GALNTL6: variants seen among roughly 807,000 people sequenced by gnomAD.
GALNTL6 encodes polypeptide N-acetylgalactosaminyltransferase-like 6.
In GALNTL6, 46 loss-of-function variants were observed where a neutral mutation model predicts 73.7. The observed-to-expected ratio is 0.62, with a 90% CI of 0.49 to 0.80. The LOEUF is 0.80. Ranked by LOEUF, GALNTL6 falls within the 30% of genes least tolerant of loss-of-function variation. GALNTL6 has a pLI of 0.00. For missense variants in GALNTL6, 604 were observed against 755.0 expected (o/e 0.80, Z 2.34); for synonymous variants, 259 against 263.7 (o/e 0.98, Z 0.17).
At position 171,855,381 on chromosome 4, in the gene GALNTL6, C is replaced by G. The variant is rs186127408; in HGVS notation, c.138+40663C>G. Among the ~76,000 whole-genome samples the G allele has an allele frequency of 3.5e-3, 539 of 152,256 alleles. 3 individuals carry two copies. The highest frequency in any genetic ancestry group is 3.1e-3 in the South Asian group (15 of 4,828). On this transcript the variant is annotated intron_variant, in intron 2 of 12. Coordinates refer to ENST00000506823, the MANE Select transcript of GALNTL6 (RefSeq NM_001034845.3). ...TAGTTGAAATTATTAGAGAATGCAG[C>G]CTTTTCAGATTGGTTTCTTTCACGT... is the stretch of plus-strand genomic sequence containing the variant.
At chr4:172,366,305 G>C (rs1742556179) in intron 5 of GALNTL6, among the ~76,000 whole-genome samples, 1 of 152,088 alleles carries the variant, frequency 6.6e-6, no homozygotes, top group South Asian at 2.1e-4. Context: ...AATGTGTATA[G>C]ATCTGTATAA....
chr4:171,838,247 C>T (rs1191847612), intron 2 of GALNTL6, among the ~76,000 whole-genome samples: 1 of 151,940 alleles, frequency 6.6e-6, no homozygotes, highest in Non-Finnish European at 1.5e-5. Flanking sequence ...ACTCAGCCTC[C>T]CAAGAAGCTG....
intron 3 of GALNTL6, among the ~76,000 whole-genome samples, chr4:172,298,908 T>C (rs985174389): frequency 1.3e-5 from 2 of 152,218 alleles, no homozygotes; most frequent in Non-Finnish European, 2.9e-5. Context: ...GATTCCCTCT[T>C]TTTCTATTGA....
intron 9 of GALNTL6, among the ~76,000 whole-genome samples, chr4:172,934,823 C>G (rs1310296926): frequency 2.6e-5 from 4 of 152,216 alleles, no homozygotes. Context: ...TCGCTTTGCA[C>G]AGCCCAAGGA....
chr4:172,804,407 T>G (rs1484034524), intron 5 of GALNTL6, among the ~76,000 whole-genome samples: 1 of 152,176 alleles, frequency 6.6e-6, no homozygotes, highest in Non-Finnish European at 1.5e-5. Flanking sequence ...TGTATAAACA[T>G]CAAAGAAATT....
At chr4:172,579,452 C>A (rs577145449) in intron 5 of GALNTL6, among the ~76,000 whole-genome samples, 48 of 152,242 alleles carry the variant, frequency 3.2e-4, no homozygotes, top group Admixed American at 2.4e-3. Flanking sequence ...CATAGTAAGA[C>A]TCATTCTGGA....
At chr4:171,824,861 C>A (rs1734782313) in intron 2 of GALNTL6, among the ~76,000 whole-genome samples, 1 of 152,080 alleles carries the variant, frequency 6.6e-6, no homozygotes, top group Admixed American at 6.6e-5. Flanking sequence ...GTAGCCCATA[C>A]AGAAAATAAT....
At chr4:171,943,256 G>A (rs1041671327) in intron 2 of GALNTL6, among the ~76,000 whole-genome samples, 3 of 152,048 alleles carry the variant, frequency 2.0e-5, no homozygotes, top group African/African-American at 7.2e-5. Flanking sequence ...GATGCCCCTC[G>A]GGCACCAGAC....
At chr4:172,837,572 A>G (rs770019087) in intron 7 of GALNTL6, among the ~76,000 whole-genome samples, 4 of 152,234 alleles carry the variant, frequency 2.6e-5, no homozygotes, top group Non-Finnish European at 4.4e-5. Context: ...GTTAGGTGGT[A>G]AATCAACAAA....
chr4:171,982,615 C>T (rs1291265675), intron 2 of GALNTL6, among the ~76,000 whole-genome samples: 1 of 152,118 alleles, frequency 6.6e-6, no homozygotes, highest in East Asian at 1.9e-4. Context: ...CTTTCGTTTG[C>T]TTCTTCCAGA....
At chr4:172,781,745 G>A (rs1030636454) in intron 5 of GALNTL6, among the ~76,000 whole-genome samples, 1 of 152,036 alleles carries the variant, frequency 6.6e-6, no homozygotes, top group East Asian at 1.9e-4. Context: ...GAAAAACCTA[G>A]CAACAGTGAT....
intron 2 of GALNTL6, among the ~76,000 whole-genome samples, chr4:171,980,613 A>G (rs989862310): frequency 6.6e-6 from 1 of 152,244 alleles, no homozygotes; most frequent in African/African-American, 2.4e-5. Context: ...ACAATGAAGA[A>G]GGCGACATCA....
Position 172,636,178 on chromosome 4 carries a change from C to T in GALNTL6, c.554-173183C>T, listed in dbSNP as rs527826907. 6.6e-5 allele frequency among the ~76,000 whole-genome samples: 10 copies of T among 152,174 alleles called. No homozygotes were observed. The South Asian group carries it at 2.1e-3, about 32-fold the overall frequency. ...GTCAGATTCACTATTATAGAAATTA[C>T]CCTATTGTTGGAAGTTACTAAGATA... On this transcript the variant is annotated intron_variant, in intron 5 of 12. Transcript: ENST00000506823.
intron 7 of GALNTL6, 110 bp from the exon 8 acceptor site, chr4:172,882,680 C>A: frequency 1.3e-6 from 1 of 754,146 alleles, no homozygotes. Context: ...CTGAAAAGTT[C>A]CACACAGCTG....
intron 5 of GALNTL6, among the ~76,000 whole-genome samples, chr4:172,718,838 A>G (rs1216460615): frequency 6.6e-6 from 1 of 152,128 alleles, no homozygotes; most frequent in Non-Finnish European, 1.5e-5. Context: ...ATAGACCATC[A>G]TCTTCCTATT....
chr4:172,680,387 G>A (rs1470283169), intron 5 of GALNTL6, among the ~76,000 whole-genome samples: 2 of 151,714 alleles, frequency 1.3e-5, no homozygotes, highest in East Asian at 3.9e-4. Flanking sequence ...ATGGAAAAAA[G>A]GAAGGAAGGA....
intron 5 of GALNTL6, among the ~76,000 whole-genome samples, chr4:172,432,413 T>TA (rs1731488116): frequency 1.3e-5 from 2 of 151,874 alleles, no homozygotes; most frequent in Non-Finnish European, 2.9e-5. Context: ...ATGAGCAGAA[T>TA]AAAAAAGAAT....
At chr4:172,935,481 A>G (rs893084528) in intron 9 of GALNTL6, among the ~76,000 whole-genome samples, 33 of 152,120 alleles carry the variant, frequency 2.2e-4, no homozygotes, top group Admixed American at 2.2e-3. Flanking sequence ...AAAAAAATCA[A>G]TGAATCCAGG....
chr4:172,183,289 TTA>T (rs1330470492), intron 2 of GALNTL6, among the ~76,000 whole-genome samples: 4 of 152,194 alleles, frequency 2.6e-5, no homozygotes, highest in Non-Finnish European at 5.9e-5. Context: ...TACCGTTCCA[TTA>T]TATCTCCATC....
Sources: allele counts gnomAD v4.1 joint callset (sites outside exome capture counted in the v4.1 genomes callset), GRCh38; gene constraint gnomAD v4.1.1; transcripts MANE v1.5; gene names NCBI Gene and HGNC (gene_info 2026-07-23, HGNC 2026-07-21).